VIPR2: variants seen among roughly 807,000 people sequenced by gnomAD.
VIPR2 encodes the protein vasoactive intestinal polypeptide receptor 2.
A neutral mutation model predicts 58.0 loss-of-function variants in VIPR2; 48 were observed. The observed-to-expected ratio is 0.83, with a 90% CI of 0.66 to 1.05. The LOEUF is 1.05. Ranked by LOEUF, VIPR2 falls within the 50% of genes least tolerant of loss-of-function variation. VIPR2 has a pLI of 0.00. For missense variants in VIPR2, 534 were observed against 558.0 expected (o/e 0.96, Z 0.43); for synonymous variants, 243 against 235.2 (o/e 1.03, Z -0.30).
chr7:159,107,884 G>A (rs111896758), intron 3 of VIPR2, among the ~76,000 whole-genome samples: 4 of 151,900 alleles, frequency 2.6e-5, no homozygotes, highest in African/African-American at 9.7e-5. Flanking sequence ...CCGGACACAC[G>A]TGATGATGCC....
chr7:159,050,501 A>G (rs1854932675), intron 5 of VIPR2, among the ~76,000 whole-genome samples: 1 of 152,030 alleles, frequency 6.6e-6, no homozygotes, highest in Non-Finnish European at 1.5e-5. Context: ...TAAGACAATC[A>G]AATAGAAAAT....
intron 4 of VIPR2, among the ~76,000 whole-genome samples, chr7:159,081,582 C>T (rs1323014426): frequency 2.0e-5 from 3 of 152,102 alleles, no homozygotes; most frequent in Non-Finnish European, 2.9e-5. Context: ...TCTAAAACAC[C>T]AAAAGCAATG....
At chr7:159,038,556 T>C (rs887764108) in intron 6 of VIPR2, among the ~76,000 whole-genome samples, 5 of 152,110 alleles carry the variant, frequency 3.3e-5, no homozygotes, top group Non-Finnish European at 5.9e-5. Flanking sequence ...TGCCACTCAT[T>C]TGAAAAGTAA....
At chr7:159,137,268 T>G (rs75247079) in intron 2 of VIPR2, among the ~76,000 whole-genome samples, 10,756 of 145,074 alleles carry the variant, frequency 0.074, 853 homozygotes, top group African/African-American at 0.2. Context: ...TGCCAGAAAC[T>G]GACTTCTCAA....
chr7:159,080,227 T>C (rs907575330), intron 4 of VIPR2, among the ~76,000 whole-genome samples: 5 of 152,198 alleles, frequency 3.3e-5, no homozygotes, highest in African/African-American at 4.8e-5. Flanking sequence ...AATAAAATAC[T>C]GGCAAACCGA....
At chr7:159,121,239 CAG>C (rs1163275112) in intron 2 of VIPR2, among the ~76,000 whole-genome samples, 3 of 141,510 alleles carry the variant, frequency 2.1e-5, no homozygotes, top group Non-Finnish European at 3.1e-5. Context: ...TCGTGCGGGG[CAG>C]ACTCTAACAC....
At chr7:159,083,203 C>A (rs1480025313) in intron 4 of VIPR2, among the ~76,000 whole-genome samples, 2 of 152,212 alleles carry the variant, frequency 1.3e-5, no homozygotes, top group Non-Finnish European at 2.9e-5. Context: ...CCTTGACACT[C>A]ACTGGGCAAG....
intron 4 of VIPR2, among the ~76,000 whole-genome samples, chr7:159,094,697 C>T (rs1301874611): frequency 6.6e-6 from 1 of 152,220 alleles, no homozygotes; most frequent in Non-Finnish European, 1.5e-5. Flanking sequence ...GGCTGTGAGG[C>T]AGACAGCCCG....
At chr7:159,121,174 ACCTCCCTCCCTC>A (rs371441926) in intron 2 of VIPR2, among the ~76,000 whole-genome samples, 1 of 149,686 alleles carries the variant, frequency 6.7e-6, no homozygotes, top group Admixed American at 6.6e-5. Flanking sequence ...CTGGGTGGTC[ACCTCCCTCCCTC>A]CCTCCCTCCC....
At chr7:159,034,892 A>G (rs1161933198) in intron 8 of VIPR2, among the ~76,000 whole-genome samples, 2 of 152,174 alleles carry the variant, frequency 1.3e-5, no homozygotes, top group East Asian at 1.9e-4. Flanking sequence ...AAGCCAGGAC[A>G]AGGGCAGGAG....
chr7:159,033,406 G>A (rs887874530), intron 10 of VIPR2, among the ~76,000 whole-genome samples: 3 of 152,182 alleles, frequency 2.0e-5, no homozygotes, highest in Non-Finnish European at 2.9e-5. Flanking sequence ...GTCTGAGCCC[G>A]AGGCACCTTC....
Position 159,036,870 on chromosome 7 carries a change from C to T in VIPR2, c.630G>A (p.Gln210=). ...AGAAGAAGTTGGCCATGATGCAGTACTGCAGGAAGACCAGGCTCAGCTTGC... is the reference window on the plus strand; with the variant it reads ...AGAAGAAGTTGGCCATGATGCAGTATTGCAGGAAGACCAGGCTCAGCTTGC... ...VGCKLSLVFL[Q]YCIMANFFWL... Residue 210 remains glutamine, a synonymous_variant, in exon 7 of 13, where the codon CAG becomes CAA. Coordinates refer to ENST00000262178, the MANE Select transcript of VIPR2 (RefSeq NM_003382.5). 6.2e-7 allele frequency: 1 copy of T among 1,613,764 alleles called. No individual in the cohort carries two copies. Among genetic ancestry groups the T allele is most frequent in the Non-Finnish European group, 8.5e-7 (1 of 1,179,808 alleles).
intron 10 of VIPR2, among the ~76,000 whole-genome samples, chr7:159,033,287 T>C (rs1853702799): frequency 6.6e-6 from 1 of 152,088 alleles, no homozygotes; most frequent in African/African-American, 2.4e-5. Context: ...ATCCCTGTTT[T>C]CTAAGGTGGG....
intron 6 of VIPR2, among the ~76,000 whole-genome samples, 158 bp from the exon 7 acceptor site, chr7:159,037,060 G>A (rs1854013572): frequency 1.3e-5 from 2 of 152,246 alleles, no homozygotes; most frequent in South Asian, 4.1e-4. Flanking sequence ...CAGAGGCCAG[G>A]GCGCTGGCCA....
intron 3 of VIPR2, among the ~76,000 whole-genome samples, chr7:159,106,760 T>G (rs111162956): frequency 0.38 from 15,097 of 39,944 alleles, 1,384 homozygotes; most frequent in African/African-American, 0.5. Flanking sequence ...AGAGGCTGGG[T>G]AGGGGCAGAG....
In VIPR2 at chr7:159,128,831, G is replaced by T. The variant is rs894023814; in HGVS notation, c.151+13615C>A. Reference sequence around the variant, plus strand: ...GCTCTGCAGGTTGGGCACGCTAACTGCTCTTCTCCCTCAACTGCTCCCTCC... The same window carrying T: ...GCTCTGCAGGTTGGGCACGCTAACTTCTCTTCTCCCTCAACTGCTCCCTCC... On this transcript the variant is annotated intron_variant, in intron 2 of 12. Transcript: ENST00000262178. This position sits in a 1 kb window ranked among gnomAD's most constrained non-coding sequence, Gnocchi z 4.1. 2.2e-4 allele frequency among the ~76,000 whole-genome samples: 33 copies of T among 152,156 alleles called. No homozygotes were observed. Among genetic ancestry groups the T allele is most frequent in the Non-Finnish European group, 1.3e-4 (9 of 68,030 alleles).
At chr7:159,144,465 C>G in intron 1 of VIPR2, 3 of 1,540,882 alleles carry the variant, frequency 1.9e-6, no homozygotes, top group Non-Finnish European at 2.6e-6. Flanking sequence ...TTCCAGCAAA[C>G]CCCGGACGGT....
intron 5 of VIPR2, among the ~76,000 whole-genome samples, chr7:159,054,957 A>G (rs1225349828): frequency 6.6e-6 from 1 of 152,200 alleles, no homozygotes; most frequent in Non-Finnish European, 1.5e-5. Context: ...TGTAAATATA[A>G]ATGTGTGTAC....
At chr7:159,038,815 T>G (rs948816718) in intron 6 of VIPR2, among the ~76,000 whole-genome samples, 2 of 152,152 alleles carry the variant, frequency 1.3e-5, no homozygotes, top group African/African-American at 4.8e-5. Context: ...TATATAAACT[T>G]TAAAAGCTTT....
Sources: allele counts gnomAD v4.1 joint callset (sites outside exome capture counted in the v4.1 genomes callset), GRCh38; gene constraint gnomAD v4.1.1; non-coding constraint Gnocchi (gnomAD v3.1); transcripts MANE v1.5; gene names NCBI Gene and HGNC (gene_info 2026-07-23, HGNC 2026-07-21).